SPIDR: variants seen among roughly 807,000 people sequenced by gnomAD.
SPIDR encodes the protein DNA repair-scaffolding protein.
Under a neutral mutation model 104.6 loss-of-function variants are expected in SPIDR, and 93 were observed. The observed-to-expected ratio is 0.89, with a 90% CI of 0.75 to 1.06. SPIDR has a LOEUF of 1.06. Among genes scored for constraint, SPIDR ranks in the 50% least tolerant of loss-of-function variants. The probability of loss-of-function intolerance (pLI) is 0.00; values close to 1 mark genes in which losing one functional copy is unlikely to be tolerated. For synonymous variants in SPIDR, 431 were observed against 416.9 expected (o/e 1.03, Z -0.41); for missense variants, 1,154 against 1,111.2 (o/e 1.04, Z -0.55).
At chr8:47,445,537 C>T (rs1289750278) in intron 8 of SPIDR, among the ~76,000 whole-genome samples, 3 of 152,112 alleles carry the variant, frequency 2.0e-5, no homozygotes, top group Non-Finnish European at 2.9e-5. Flanking sequence ...TAAGTGTTCA[C>T]ATGAAAGGAA....
intron 14 of SPIDR, among the ~76,000 whole-genome samples, chr8:47,709,981 A>T (rs2081621026): frequency 6.6e-6 from 1 of 151,288 alleles, no homozygotes; most frequent in African/African-American, 2.4e-5. Context: ...GGGTTCAAGC[A>T]ATTCTCATGC....
At chr8:47,475,502 A>G (rs1309639230) in intron 8 of SPIDR, among the ~76,000 whole-genome samples, 2 of 152,260 alleles carry the variant, frequency 1.3e-5, no homozygotes, top group African/African-American at 4.8e-5. Flanking sequence ...CTTTAAAGCC[A>G]TGCACTAACT....
intron 8 of SPIDR, among the ~76,000 whole-genome samples, chr8:47,503,189 C>T (rs1169745101): frequency 6.6e-6 from 1 of 152,100 alleles, no homozygotes; most frequent in Non-Finnish European, 1.5e-5. Flanking sequence ...TCCTGAATAT[C>T]CTTGTTAACT....
intron 5 of SPIDR, among the ~76,000 whole-genome samples, chr8:47,330,411 G>A (rs560067305): frequency 2.6e-5 from 4 of 152,246 alleles, no homozygotes; most frequent in South Asian, 4.1e-4. Flanking sequence ...TCTTGGCGTT[G>A]TATATTCTGT....
intron 8 of SPIDR, among the ~76,000 whole-genome samples, chr8:47,443,648 T>C (rs2069927299): frequency 6.6e-6 from 1 of 151,744 alleles, no homozygotes; most frequent in Admixed American, 6.6e-5. Flanking sequence ...TAGTCTTTTT[T>C]TTTTTTATGG....
intron 8 of SPIDR, chr8:47,527,910 A>G (rs999084416): frequency 6.6e-6 from 1 of 152,094 alleles, no homozygotes; most frequent in Non-Finnish European, 1.5e-5. Flanking sequence ...ATCTTTTTTT[A>G]AAAGCTATCT....
chr8:47,384,311 A>C (rs998817893), intron 5 of SPIDR, among the ~76,000 whole-genome samples: 1 of 152,206 alleles, frequency 6.6e-6, no homozygotes, highest in Non-Finnish European at 1.5e-5. Flanking sequence ...TTGAAAAAGT[A>C]TAGCTTTACT....
chr8:47,663,848 T>C (rs1372953018), intron 10 of SPIDR, among the ~76,000 whole-genome samples: 1 of 152,198 alleles, frequency 6.6e-6, no homozygotes, highest in Non-Finnish European at 1.5e-5. Context: ...AGACCAGCTT[T>C]CAGAATAGCA....
chr8:47,719,719 C>A (rs1050125773), intron 16 of SPIDR, among the ~76,000 whole-genome samples: 6 of 152,050 alleles, frequency 3.9e-5, no homozygotes, highest in African/African-American at 1.4e-4. Context: ...AGTCTCAATG[C>A]TCCTCACACC....
intron 7 of SPIDR, among the ~76,000 whole-genome samples, chr8:47,415,250 G>T (rs531544622): frequency 3.3e-5 from 5 of 152,228 alleles, no homozygotes; most frequent in Admixed American, 3.3e-4. Context: ...ATTGTAGATT[G>T]ACATGCAGTT....
chr8:47,364,553 GT>G (rs1237340695), intron 5 of SPIDR, among the ~76,000 whole-genome samples: 1 of 152,194 alleles, frequency 6.6e-6, no homozygotes, highest in East Asian at 1.9e-4. Flanking sequence ...GTGCGCAGTT[GT>G]TTAATTATCA....
At chr8:47,613,482 T>A (rs917427284) in intron 10 of SPIDR, among the ~76,000 whole-genome samples, 1 of 152,224 alleles carries the variant, frequency 6.6e-6, no homozygotes, top group Non-Finnish European at 1.5e-5. Context: ...TCTGTGGACA[T>A]CTGTTTTCAT....
chr8:47,283,075 C>G (rs1554560130), intron 2 of SPIDR, among the ~76,000 whole-genome samples: 1 of 152,102 alleles, frequency 6.6e-6, no homozygotes, highest in African/African-American at 2.4e-5. Context: ...AGGCTGGTCT[C>G]GAACTCCTGA....
chr8:47,382,984 G>T (rs1233317729), intron 5 of SPIDR, among the ~76,000 whole-genome samples: 1 of 152,150 alleles, frequency 6.6e-6, no homozygotes, highest in Non-Finnish European at 1.5e-5. Context: ...ACGGAATTGT[G>T]GAGTCATTTT....
chr8:47,574,773 G>C (rs1319330018), intron 8 of SPIDR, among the ~76,000 whole-genome samples: 2 of 151,726 alleles, frequency 1.3e-5, no homozygotes, highest in African/African-American at 4.8e-5. Flanking sequence ...GAGGGGAGGG[G>C]AGGGGAGGAG....
At chr8:47,419,028 T>A (rs1447486271) in intron 7 of SPIDR, 1 of 152,246 alleles carries the variant, frequency 6.6e-6, no homozygotes, top group African/African-American at 2.4e-5. Context: ...GCCAGTGTTT[T>A]ATTGAGGATT....
At chr8:47,284,176 T>A in intron 3 of SPIDR, 82 bp downstream of exon 3, 1 of 1,157,498 alleles carries the variant, frequency 8.6e-7, no homozygotes, top group African/African-American at 1.5e-5. Context: ...TTTGCTGTTT[T>A]AAAAAAGTGA....
chr8:47,603,875 C>T (rs2062617345), intron 10 of SPIDR, among the ~76,000 whole-genome samples: 1 of 152,218 alleles, frequency 6.6e-6, no homozygotes, highest in Non-Finnish European at 1.5e-5. Context: ...AGCACATTTT[C>T]CTTTTTCCAT....
At chr8:47,621,329 A>G (rs1162187204) in intron 10 of SPIDR, among the ~76,000 whole-genome samples, 2 of 152,212 alleles carry the variant, frequency 1.3e-5, no homozygotes, top group East Asian at 1.9e-4. Context: ...TGTCTGGATC[A>G]TTCCATTTTT....
Sources: gnomAD v4.1 joint callset for allele counts (sites outside exome capture counted in the v4.1 genomes callset) on GRCh38, gnomAD v4.1.1 for gene constraint, MANE v1.5 for transcripts, NCBI Gene and HGNC (gene_info 2026-07-23, HGNC 2026-07-21) for gene names.